The following SPICE1 variants were observed in gnomAD, a reference collection of about 807,000 sequenced individuals.
The protein encoded by SPICE1 is spindle and centriole associated protein 1, also known as spindle and centriole-associated protein 1.
A neutral mutation model predicts 102.7 loss-of-function variants in SPICE1; 75 were observed. That is an observed-to-expected ratio of 0.73 (90% CI 0.61 to 0.88). The LOEUF (loss-of-function observed/expected upper bound fraction) is 0.88. Among genes scored for constraint, SPICE1 ranks in the 40% least tolerant of loss-of-function variants. The pLI, the probability that SPICE1 is intolerant of heterozygous loss-of-function variation, is 0.00. For missense variants in SPICE1, 979 were observed against 1,020.1 expected, an observed-to-expected ratio of 0.96 and a Z score of 0.55; for synonymous variants, 308 against 350.3, an observed-to-expected ratio of 0.88 and a Z score of 1.35.
intron 14 of SPICE1, among the ~76,000 whole-genome samples, chr3:113,451,420 AT>A (rs1416265908): frequency 3.3e-5 from 5 of 152,168 alleles, no homozygotes; most frequent in Non-Finnish European, 2.9e-5. Context: ...TTGGAAAAAA[AT>A]AATCCCTAAT....
At chr3:113,452,737 T>C (rs1021196628) in intron 14 of SPICE1, among the ~76,000 whole-genome samples, 1 of 151,948 alleles carries the variant, frequency 6.6e-6, no homozygotes, top group African/African-American at 2.4e-5. Flanking sequence ...TCCAGCACTT[T>C]GGGAGGCTGA....
intron 7 of SPICE1, among the ~76,000 whole-genome samples, chr3:113,476,444 C>T (rs1473422845): frequency 6.7e-6 from 1 of 149,538 alleles, no homozygotes; most frequent in African/African-American, 2.5e-5. Context: ...CTTTAAAGTT[C>T]ATATGGAACC....
At chr3:113,454,638 C>T (rs987401866) in intron 13 of SPICE1, among the ~76,000 whole-genome samples, 8 of 152,038 alleles carry the variant, frequency 5.3e-5, no homozygotes, top group African/African-American at 1.5e-4. Context: ...ATAGCTTGAA[C>T]CCAGGAGGCA....
Position 113,445,285 on chromosome 3 carries a change from A to G in SPICE1, c.*22T>C. ...GGAAGTAATAAATTATTAAGAACAAACTCAGTGAGACTTGACTTCACTTAT... is the reference window on the plus strand; with the variant it reads ...GGAAGTAATAAATTATTAAGAACAAGCTCAGTGAGACTTGACTTCACTTAT... On this transcript the variant is annotated 3_prime_UTR_variant, in exon 18 of 18. Transcript: ENST00000295872. The G allele has an allele frequency of 1.2e-6, 2 of 1,600,346 alleles. No homozygotes were observed. Among genetic ancestry groups the G allele is most frequent in the Non-Finnish European group, 1.7e-6 (2 of 1,170,226 alleles).
chr3:113,509,582 A>G (rs1559979051), intron 1 of SPICE1, among the ~76,000 whole-genome samples: 3 of 152,188 alleles, frequency 2.0e-5, no homozygotes, highest in Non-Finnish European at 4.4e-5. Context: ...GTCTTGAGAG[A>G]CAATATAGTA....
chr3:113,467,052 A>T (rs1936075100), intron 10 of SPICE1, among the ~76,000 whole-genome samples: 1 of 150,058 alleles, frequency 6.7e-6, no homozygotes, highest in Non-Finnish European at 1.5e-5. Context: ...ACCCTGTCTC[A>T]AAAAAAAAGC....
In SPICE1 at chr3:113,445,339, C is replaced by T; in HGVS notation, c.2536G>A (p.Gly846Ser). ...RAKIEKQNEE[G>S]WFALSTHVS The stretch of plus-strand genomic sequence containing the variant: ...ACATGGGTAGAAAGAGCAAACCAGC[C>T]TTCTTCATTCTGTTTCTCAATCTGT... Residue 846 changes from glycine to serine, a missense_variant, in exon 18 of 18, where the codon GGC (glycine) becomes AGC (serine). Physicochemically the swap from Gly to Ser is moderately conservative, Grantham distance 56. Coordinates refer to ENST00000295872, the MANE Select transcript of SPICE1 (RefSeq NM_144718.4). 6.2e-7 allele frequency: 1 copy of T among 1,612,578 alleles called. No individual in the cohort carries two copies. Among genetic ancestry groups the T allele is most frequent in the South Asian group, 1.1e-5 (1 of 90,880 alleles).
At chr3:113,470,318 G>A (rs988788872) in intron 7 of SPICE1, among the ~76,000 whole-genome samples, 2 of 152,152 alleles carry the variant, frequency 1.3e-5, no homozygotes, top group African/African-American at 4.8e-5. Context: ...TGGAGAGAAG[G>A]GCAAGAGTGT....
At position 113,445,060 on chromosome 3, in the gene SPICE1, TA is replaced by T; in HGVS notation, c.*246del. 1 of 323,756 alleles carries T rather than the reference TA, an allele frequency of 3.1e-6. No individual in the cohort carries two copies. Among genetic ancestry groups the T allele is most frequent in the Non-Finnish European group, 5.6e-6 (1 of 180,080 alleles). 20.1% of individuals were successfully genotyped at this position (323,756 alleles called of 1,614,324 possible). A position where few individuals can be genotyped will look rare whatever the true frequency, so the allele number is the denominator to read the frequency against. On this transcript the variant is annotated 3_prime_UTR_variant, in exon 18 of 18. Coordinates refer to ENST00000295872, the MANE Select transcript of SPICE1 (RefSeq NM_144718.4). Reference sequence around the variant, plus strand: ...ACCCTTAAAATACTTAAGAAAGTATTAAAATACAAAACTTTAACTTCTCTAC... The same window carrying T: ...ACCCTTAAAATACTTAAGAAAGTATTAAATACAAAACTTTAACTTCTCTAC...
At chr3:113,455,886 T>C (rs1181178380) in intron 13 of SPICE1, among the ~76,000 whole-genome samples, 5 of 152,224 alleles carry the variant, frequency 3.3e-5, no homozygotes, top group African/African-American at 9.7e-5. Context: ...AGAGTAAACA[T>C]ATTTATTGTA....
chr3:113,485,914 C>T (rs1412541527), intron 7 of SPICE1, among the ~76,000 whole-genome samples: 1 of 151,994 alleles, frequency 6.6e-6, no homozygotes, highest in Admixed American at 6.6e-5. Flanking sequence ...CCACATGTCC[C>T]GCTTTTAAGT....
chr3:113,457,837 C>T (rs547719673), intron 12 of SPICE1, among the ~76,000 whole-genome samples: 24 of 152,064 alleles, frequency 1.6e-4, no homozygotes, highest in African/African-American at 2.4e-4. Context: ...TTTTTGTATT[C>T]GTTGTAAAGA....
At chr3:113,491,624 CAAA>C (rs869171154) in intron 6 of SPICE1, among the ~76,000 whole-genome samples, 14 of 38,104 alleles carry the variant, frequency 3.7e-4, no homozygotes, top group African/African-American at 8.7e-4. Flanking sequence ...GACTCCGTCT[CAAA>C]AAAAAAAAAA....
At chr3:113,493,142 A>C in intron 6 of SPICE1, 64 bp downstream of exon 6, 1 of 1,147,016 alleles carries the variant, frequency 8.7e-7, no homozygotes, top group South Asian at 1.6e-5. Flanking sequence ...ATTTACCACA[A>C]GGCCTATATC....
intron 14 of SPICE1, among the ~76,000 whole-genome samples, chr3:113,451,902 A>AGGTG (rs751197596): frequency 0.062 from 9,427 of 152,002 alleles, 910 homozygotes; most frequent in African/African-American, 0.21. Context: ...ACCTCACCCT[A>AGGTG]ACCTTCCTCA....
intron 2 of SPICE1, 47 bp from the exon 3 acceptor site, chr3:113,503,274 T>A: frequency 6.2e-6 from 9 of 1,442,262 alleles, no homozygotes; most frequent in Non-Finnish European, 8.4e-6. Flanking sequence ...AAAGTTTTCT[T>A]ATAAAATATA....
chr3:113,449,187 T>A (rs150859096), intron 15 of SPICE1: 1 of 152,352 alleles, frequency 6.6e-6, no homozygotes, highest in Non-Finnish European at 1.5e-5. Context: ...ATCTGCTTTA[T>A]TTTTCTTCCT....
chr3:113,499,277 C>A, intron 4 of SPICE1, 162 bp downstream of exon 4: 1 of 662,804 alleles, frequency 1.5e-6, no homozygotes, highest in South Asian at 3.3e-5. Context: ...AAACCAGACT[C>A]CAGTCACCAC....
intron 1 of SPICE1, among the ~76,000 whole-genome samples, chr3:113,511,559 T>C (rs1190494684): frequency 6.6e-6 from 1 of 151,898 alleles, no homozygotes; most frequent in African/African-American, 2.4e-5. Context: ...TGCTGAACAA[T>C]GAGAACACAT....
Sources: allele counts gnomAD v4.1 joint callset (sites outside exome capture counted in the v4.1 genomes callset), GRCh38; gene constraint gnomAD v4.1.1; transcripts MANE v1.5; gene names NCBI Gene and HGNC (gene_info 2026-07-23, HGNC 2026-07-21).